Variants in LRRC37A2 observed in about 807,000 individuals in gnomAD.
LRRC37A2 encodes leucine-rich repeat-containing protein 37A2.
In LRRC37A2, 9 loss-of-function variants were observed where a neutral mutation model predicts 68.8. The observed-to-expected ratio is 0.13, with a 90% CI of 0.08 to 0.23. LRRC37A2 has a LOEUF of 0.23. Ranked by LOEUF, LRRC37A2 falls within the 10% of genes least tolerant of loss-of-function variation. The probability of loss-of-function intolerance (pLI) is 1.00; values close to 1 mark genes in which losing one functional copy is unlikely to be tolerated. For missense variants in LRRC37A2, 168 were observed against 950.4 expected, an observed-to-expected ratio of 0.18 and a Z score of 10.82; for synonymous variants, 63 against 367.6, an observed-to-expected ratio of 0.17 and a Z score of 9.48.
chr17:46,804,664 G>A, the LRRC37A2 span, among the ~76,000 whole-genome samples: 1 of 152,194 alleles, frequency 6.6e-6, no homozygotes, highest in Non-Finnish European at 1.5e-5. Context: ...GGGTCACCTG[G>A]GAGGAATTGT....
chr17:46,779,103 A>ACACACACCC, the LRRC37A2 span, among the ~76,000 whole-genome samples: 16 of 133,662 alleles, frequency 1.2e-4, no homozygotes, highest in Admixed American at 3.1e-4. Flanking sequence ...ACACACACAC[A>ACACACACCC]CCCCAGCCCA....
chr17:46,414,540 AATG>A, the LRRC37A2 span, among the ~76,000 whole-genome samples: 1 of 152,212 alleles, frequency 6.6e-6, no homozygotes, highest in Admixed American at 6.5e-5. Context: ...GTTACAGGCT[AATG>A]TTTTGACCAC....
the LRRC37A2 span, chr17:47,024,746 G>A: frequency 2.4e-6 from 2 of 819,070 alleles, no homozygotes. Flanking sequence ...TATCCCTCCA[G>A]TATTTGTAAG....
At chr17:46,588,524 ATCT>A in the LRRC37A2 span, among the ~76,000 whole-genome samples, 2 of 80,514 alleles carry the variant, frequency 2.5e-5, no homozygotes, top group African/African-American at 1.3e-4. Flanking sequence ...AATCTAGCTT[ATCT>A]AGTAAAACAA....
chr17:46,928,398 A>G, the LRRC37A2 span, among the ~76,000 whole-genome samples: 1 of 152,140 alleles, frequency 6.6e-6, no homozygotes, highest in African/African-American at 2.4e-5. Context: ...GTTGGGGATG[A>G]TGTGAGAGTC....
the LRRC37A2 span, among the ~76,000 whole-genome samples, chr17:46,502,838 G>A: frequency 1.3e-5 from 2 of 151,012 alleles, no homozygotes; most frequent in African/African-American, 5.0e-5. Flanking sequence ...GAGCCCTTCT[G>A]AAGTTTCCTA....
At chr17:46,545,285 CAA>C (rs71277059) in intron 8 of LRRC37A2, among the ~76,000 whole-genome samples, 26 of 116,506 alleles carry the variant, frequency 2.2e-4, no homozygotes, top group African/African-American at 8.6e-4. Context: ...TACAAAAGTA[CAA>C]AAAAAAAAAA....
chr17:46,917,740 C>T, the LRRC37A2 span, among the ~76,000 whole-genome samples: 1 of 152,212 alleles, frequency 6.6e-6, no homozygotes, highest in East Asian at 1.9e-4. Context: ...TCTGCAGTAC[C>T]AGCTTTAAAT....
the LRRC37A2 span, among the ~76,000 whole-genome samples, chr17:46,877,823 C>T: frequency 3.9e-5 from 6 of 152,206 alleles, no homozygotes; most frequent in Non-Finnish European, 8.8e-5. Context: ...GGCTTTTGCC[C>T]TGGCTGGGGT....
the LRRC37A2 span, among the ~76,000 whole-genome samples, chr17:46,860,867 T>C: frequency 1.3e-5 from 2 of 152,206 alleles, no homozygotes; most frequent in Admixed American, 6.5e-5. Flanking sequence ...ACTTTTTTTT[T>C]ATTTTTAGAG....
the LRRC37A2 span, among the ~76,000 whole-genome samples, chr17:46,798,939 T>G: frequency 6.6e-6 from 1 of 151,648 alleles, no homozygotes; most frequent in Admixed American, 6.6e-5. Flanking sequence ...TCCCAGCTAC[T>G]TAGGAGGCTG....
the LRRC37A2 span, among the ~76,000 whole-genome samples, chr17:46,981,176 G>A: frequency 6.6e-6 from 1 of 152,198 alleles, no homozygotes; most frequent in South Asian, 2.1e-4. Flanking sequence ...GATGGAAAGG[G>A]CATGGCAAAT....
chr17:46,836,347 G>A, the LRRC37A2 span, among the ~76,000 whole-genome samples: 1 of 152,142 alleles, frequency 6.6e-6, no homozygotes, highest in Non-Finnish European at 1.5e-5. Flanking sequence ...CTTCATTCAT[G>A]AAGCCTGGTT....
chr17:46,491,717 A>G, the LRRC37A2 span, among the ~76,000 whole-genome samples: 1 of 144,758 alleles, frequency 6.9e-6, no homozygotes, highest in South Asian at 2.1e-4. Context: ...TGTTGAGTAT[A>G]TTCACCTATT....
the LRRC37A2 span, among the ~76,000 whole-genome samples, chr17:46,993,687 C>T: frequency 4.6e-5 from 7 of 152,240 alleles, no homozygotes; most frequent in African/African-American, 1.7e-4. Flanking sequence ...GTATCCCCTA[C>T]TCCCAGAATG....
the LRRC37A2 span, among the ~76,000 whole-genome samples, chr17:46,770,702 A>G: frequency 2.0e-5 from 3 of 151,480 alleles, no homozygotes; most frequent in Non-Finnish European, 4.4e-5. Context: ...GGCACGGCCA[A>G]CTCCCTCCCA....
chr17:46,767,053 G>A, the LRRC37A2 span, among the ~76,000 whole-genome samples: 6 of 152,028 alleles, frequency 3.9e-5, no homozygotes, highest in Admixed American at 1.3e-4. Flanking sequence ...CTCATGCCTC[G>A]ACACACTAGG....
chr17:46,820,279 T>G, the LRRC37A2 span, among the ~76,000 whole-genome samples: 1 of 151,872 alleles, frequency 6.6e-6, no homozygotes, highest in Admixed American at 6.6e-5. Flanking sequence ...GGGCTTGTCA[T>G]GGCTCCTGCT....
the LRRC37A2 span, among the ~76,000 whole-genome samples, chr17:46,959,951 A>C: frequency 1.2e-4 from 19 of 152,332 alleles, no homozygotes; most frequent in Non-Finnish European, 2.2e-4. Flanking sequence ...CATGGAGTGG[A>C]CTTTGGAGTG....
Sources: allele counts gnomAD v4.1 joint callset (sites outside exome capture counted in the v4.1 genomes callset), GRCh38; gene constraint gnomAD v4.1.1; transcripts MANE v1.5; gene names NCBI Gene and HGNC (gene_info 2026-07-23, HGNC 2026-07-21).